Variants in STRA8 observed in about 807,000 individuals in gnomAD.
The protein encoded by STRA8 is stimulated by retinoic acid gene 8 protein homolog.
In STRA8, 18 loss-of-function variants were observed where a neutral mutation model predicts 37.1. That is an observed-to-expected ratio of 0.48 (90% confidence interval 0.34 to 0.72). The LOEUF is 0.72. Ranked by LOEUF, STRA8 falls within the 30% of genes least tolerant of loss-of-function variation. The probability of loss-of-function intolerance (pLI) is 0.01; values close to 1 mark genes in which losing one functional copy is unlikely to be tolerated. For synonymous variants in STRA8, 168 were observed against 162.9 expected (o/e 1.03, Z -0.24); for missense variants, 357 against 410.4 (o/e 0.87, Z 1.13).
upstream of STRA8, among the ~76,000 whole-genome samples, chr7:135,232,939 G>A (rs910231042): frequency 2.6e-5 from 4 of 152,220 alleles, no homozygotes; most frequent in Admixed American, 2.6e-4. Flanking sequence ...CCTGGGCGGA[G>A]CCATGCTTCT....
upstream of STRA8, among the ~76,000 whole-genome samples, chr7:135,233,274 C>T (rs1328449328): frequency 6.6e-6 from 1 of 152,128 alleles, no homozygotes; most frequent in Admixed American, 6.5e-5. Flanking sequence ...ACCCCATTTT[C>T]TCCCCCCATC....
chr7:135,238,018 C>T (rs558197923), intron 1 of STRA8, among the ~76,000 whole-genome samples: 45 of 152,126 alleles, frequency 3.0e-4, no homozygotes, highest in Non-Finnish European at 5.4e-4. Flanking sequence ...ATGCCTTGTG[C>T]GGATCATACA....
intron 1 of STRA8, among the ~76,000 whole-genome samples, chr7:135,235,161 T>C (rs1832352236): frequency 6.6e-6 from 1 of 152,106 alleles, no homozygotes; most frequent in Non-Finnish European, 1.5e-5. Context: ...CAAGAGCCAC[T>C]GTGCCTGGGC....
At position 135,246,739 on chromosome 7, in the gene STRA8, G is replaced by A. The variant is rs1008129626; in HGVS notation, c.879+37G>A. ...CACCGGGGTGGCGTGGATGGGGCAC[G>A]GGAACCACCCTCGCCCTCGCCTGGG... On this transcript the variant is annotated intron_variant, in intron 6 of 8. Transcript: ENST00000662584. This position sits in a 1 kb window ranked among gnomAD's most constrained non-coding sequence, Gnocchi z 5.4. 10 of 1,487,798 alleles carry A rather than the reference G, an allele frequency of 6.7e-6. No individual in the cohort carries two copies. The South Asian group carries it at 1.0e-4, about 15-fold the overall frequency. The allele number at this position is 1,487,798 out of a possible 1,614,324, so 92.2% of individuals were successfully genotyped here. A position where few individuals can be genotyped will look rare whatever the true frequency, so the allele number is the denominator to read the frequency against.
chr7:135,245,202 T>C, intron 4 of STRA8, 86 bp from the exon 5 acceptor site: 1 of 768,730 alleles, frequency 1.3e-6, no homozygotes, highest in Non-Finnish European at 2.4e-6. Context: ...TATACATGTA[T>C]ACTTGCTAAA....
In STRA8 at chr7:135,246,681, G is replaced by T; in HGVS notation, c.858G>T (p.Ser286=). 1.3e-6 allele frequency: 2 copies of T among 1,528,510 alleles called. No homozygotes were observed. Among genetic ancestry groups the T allele is most frequent in the Non-Finnish European group, 8.7e-7 (1 of 1,144,290 alleles). The allele number at this position is 1,528,510 out of a possible 1,614,324, so 94.7% of individuals were successfully genotyped here. ...TGGACAGCCAGGGGGCCAGCTGCTCGCTGGTCTCCACGCCCGAGGAGGTGA... is the reference window on the plus strand; with the variant it reads ...TGGACAGCCAGGGGGCCAGCTGCTCTCTGGTCTCCACGCCCGAGGAGGTGA... ...SGVDSQGASC[S]LVSTPEEILF... Residue 286 remains serine (S), a synonymous_variant, in exon 6 of 9, where the codon TCG becomes TCT. Transcript: ENST00000662584. This position sits in a 1 kb window ranked among gnomAD's most constrained non-coding sequence, Gnocchi z 5.4.
At chr7:135,256,747 G>A (rs148345374) in intron 8 of STRA8, among the ~76,000 whole-genome samples, 1 of 152,326 alleles carries the variant, frequency 6.6e-6, no homozygotes, top group African/African-American at 2.4e-5. Flanking sequence ...AGAGGTTACA[G>A]TGAGCTGAGA....
At chr7:135,231,962 C>A, upstream of STRA8, 1 of 1,613,040 alleles carries the variant, frequency 6.2e-7, no homozygotes, top group Non-Finnish European at 8.5e-7. Flanking sequence ...CATGGCAGAG[C>A]CTTCTGCCTT....
chr7:135,245,840 G>C (rs1159876986), intron 5 of STRA8, among the ~76,000 whole-genome samples: 1 of 152,104 alleles, frequency 6.6e-6, no homozygotes, highest in African/African-American at 2.4e-5. Context: ...GTGATTATGA[G>C]GGCTAACCCC....
chr7:135,257,763 T>C (rs1832721632), intron 8 of STRA8, among the ~76,000 whole-genome samples: 1 of 152,172 alleles, frequency 6.6e-6, no homozygotes, highest in African/African-American at 2.4e-5. Flanking sequence ...CATCTCCTAA[T>C]AGGTAACCCA....
At position 135,245,417 on chromosome 7, in the gene STRA8, A is replaced by AGAGGAGGAG; in HGVS notation, c.489_497dup (p.Glu176_Glu178dup). The AGAGGAGGAG allele has an allele frequency of 1.4e-6, 1 of 719,628 alleles. No homozygotes were observed. The highest frequency in any genetic ancestry group is 2.6e-6 in the Non-Finnish European group (1 of 384,776). The allele number at this position is 719,628 out of a possible 1,614,324, so 44.6% of individuals were successfully genotyped here. On this transcript the variant is annotated inframe_insertion, in exon 5 of 9. Coordinates refer to ENST00000662584, the MANE Select transcript of STRA8 (RefSeq NM_001394401.1). Reference sequence around the variant, plus strand: ...AAGAAGAAGAGGAGGAGGAAGAAGAAGAGGAGGAGGAGGAAGAGGAGGAAG... The same window carrying AGAGGAGGAG: ...AAGAAGAAGAGGAGGAGGAAGAAGAAGAGGAGGAGGAGGAGGAGGAGGAAGAGGAGGAAG...
intron 8 of STRA8, among the ~76,000 whole-genome samples, chr7:135,256,556 G>A (rs1832706040): frequency 6.6e-6 from 1 of 152,250 alleles, no homozygotes; most frequent in Non-Finnish European, 1.5e-5. Flanking sequence ...TGGAATCCCA[G>A]CACTTTGGGA....
intron 8 of STRA8, among the ~76,000 whole-genome samples, chr7:135,256,476 A>T (rs1212104553): frequency 1.3e-5 from 2 of 152,222 alleles, no homozygotes. Context: ...TATATGGCAG[A>T]AAAGATAACA....
rs1290562008 is a variant in STRA8 at position 135,245,435 on chromosome 7, GGAGGAA to G, written c.513_518del (p.Glu177_Glu178del). On this transcript the variant is annotated inframe_deletion, in exon 5 of 9. Transcript: ENST00000662584. Reference sequence around the variant, plus strand: ...AAGAAGAAGAGGAGGAGGAGGAAGAGGAGGAAGAGGAAGAGGAGGAGGAGGAAGAGG... The same window carrying G: ...AAGAAGAAGAGGAGGAGGAGGAAGAGGAGGAAGAGGAGGAGGAGGAAGAGG... The G allele has an allele frequency of 7.3e-6, 4 of 545,156 alleles. No individual in the cohort carries two copies. Among genetic ancestry groups the G allele is most frequent in the South Asian group, 7.3e-5 (4 of 55,010 alleles). The allele number at this position is 545,156 out of a possible 1,614,324, so 33.8% of individuals were successfully genotyped here.
chr7:135,248,701 CTCTA>C (rs2117812853), intron 6 of STRA8, among the ~76,000 whole-genome samples: 1 of 152,254 alleles, frequency 6.6e-6, no homozygotes, highest in South Asian at 2.1e-4. Flanking sequence ...CACAGCAAGA[CTCTA>C]TCTATCCCAG....
At chr7:135,234,521 T>C (rs1585464161) in intron 1 of STRA8, among the ~76,000 whole-genome samples, 1 of 152,224 alleles carries the variant, frequency 6.6e-6, no homozygotes, top group African/African-American at 2.4e-5. Context: ...CTAATGAGAA[T>C]GGATCACACT....
At chr7:135,235,818 AG>A (rs1188771226) in intron 1 of STRA8, among the ~76,000 whole-genome samples, 3 of 152,192 alleles carry the variant, frequency 2.0e-5, no homozygotes, top group Non-Finnish European at 4.4e-5. Context: ...ATGCAGATAA[AG>A]AAATTAAGGC....
chr7:135,241,384 G>A (rs908667091), intron 2 of STRA8, among the ~76,000 whole-genome samples: 2 of 152,072 alleles, frequency 1.3e-5, no homozygotes, highest in Non-Finnish European at 2.9e-5. Context: ...GCCCCCTCAA[G>A]TCTCCTTTTT....
intron 7 of STRA8, among the ~76,000 whole-genome samples, chr7:135,253,497 T>G (rs927379683): frequency 6.6e-6 from 1 of 152,068 alleles, no homozygotes; most frequent in African/African-American, 2.4e-5. Context: ...CAAATAGGCA[T>G]GGGCCCTGAG....
Sources: gnomAD v4.1 joint callset for allele counts (sites outside exome capture counted in the v4.1 genomes callset) on GRCh38, gnomAD v4.1.1 for gene constraint, Gnocchi (gnomAD v3.1) non-coding constraint, MANE v1.5 for transcripts, NCBI Gene and HGNC (gene_info 2026-07-23, HGNC 2026-07-21) for gene names.